The following L3HYPDH variants were observed in gnomAD, a reference collection of about 807,000 sequenced individuals.
L3HYPDH encodes the protein trans-L-3-hydroxyproline dehydratase, also known as trans-3-hydroxy-L-proline dehydratase.
Under a neutral mutation model 26.5 loss-of-function variants are expected in L3HYPDH, and 32 were observed. The observed-to-expected ratio is 1.21, with a 90% CI of 0.91 to 1.62. The LOEUF (loss-of-function observed/expected upper bound fraction) is 1.62, where lower values mean the gene tolerates loss of function less well. Ranked by LOEUF, L3HYPDH falls within the 40% of genes most tolerant of loss-of-function variation. The probability of loss-of-function intolerance (pLI) is 0.00; values close to 1 mark genes in which losing one functional copy is unlikely to be tolerated. For missense variants in L3HYPDH, 554 were observed against 476.4 expected, an observed-to-expected ratio of 1.16 and a Z score of -1.52; for synonymous variants, 215 against 196.6, an observed-to-expected ratio of 1.09 and a Z score of -0.78.
chr14:59,503,724 T>C, the L3HYPDH span: 4 of 622,678 alleles, frequency 6.4e-6, no homozygotes, highest in South Asian at 2.3e-5. Flanking sequence ...CTTAAGTCTT[T>C]TTTAGCTCAA....
intron 1 of L3HYPDH, among the ~76,000 whole-genome samples, chr14:59,465,501 C>G (rs1263628293): frequency 1.3e-5 from 2 of 152,256 alleles, no homozygotes; most frequent in Non-Finnish European, 2.9e-5. Flanking sequence ...GGTTACCGGC[C>G]CGGGTGTTCG....
At chr14:59,467,319 G>T (rs1889218002) in intron 1 of L3HYPDH, among the ~76,000 whole-genome samples, 1 of 152,218 alleles carries the variant, frequency 6.6e-6, no homozygotes. Context: ...GGGGAGTGAA[G>T]AAGGAAATAA....
At chr14:59,495,240 G>C in the L3HYPDH span, 5 of 1,528,832 alleles carry the variant, frequency 3.3e-6, no homozygotes, top group Non-Finnish European at 2.7e-6. Context: ...TGTTTATTTC[G>C]ACTTAAGATC....
At chr14:59,491,074 G>T in the L3HYPDH span, among the ~76,000 whole-genome samples, 1 of 152,218 alleles carries the variant, frequency 6.6e-6, no homozygotes, top group African/African-American at 2.4e-5. Flanking sequence ...ATCTCTTACA[G>T]TTTCCTGAAA....
At chr14:59,494,563 C>T in the L3HYPDH span, among the ~76,000 whole-genome samples, 1 of 152,050 alleles carries the variant, frequency 6.6e-6, no homozygotes, top group African/African-American at 2.4e-5. Flanking sequence ...GTGGTAAAAG[C>T]AGTTTGGTAC....
intron 1 of L3HYPDH, among the ~76,000 whole-genome samples, chr14:59,481,245 A>G (rs1295275424): frequency 1.3e-5 from 2 of 152,240 alleles, no homozygotes; most frequent in Admixed American, 6.5e-5. Flanking sequence ...TTTAATCACT[A>G]AATTACTAAC....
At chr14:59,490,720 T>A in the L3HYPDH span, among the ~76,000 whole-genome samples, 1 of 152,222 alleles carries the variant, frequency 6.6e-6, no homozygotes, top group Non-Finnish European at 1.5e-5. Flanking sequence ...AATAGCAGCT[T>A]TCATCCAGTT....
upstream of L3HYPDH, chr14:59,484,438 G>T: frequency 7.3e-7 from 1 of 1,371,422 alleles, no homozygotes; most frequent in South Asian, 1.3e-5. Context: ...GCGGGGTCTC[G>T]GAGCCTAAAC....
chr14:59,489,888 TTCA>T, the L3HYPDH span, among the ~76,000 whole-genome samples: 1 of 151,218 alleles, frequency 6.6e-6, no homozygotes, highest in African/African-American at 2.4e-5. Flanking sequence ...ACCTCTTTCT[TTCA>T]TTTTTTTTAA....
At chr14:59,476,669 C>T (rs1889651218) in intron 2 of L3HYPDH, among the ~76,000 whole-genome samples, 1 of 152,040 alleles carries the variant, frequency 6.6e-6, no homozygotes, top group Admixed American at 6.6e-5. Flanking sequence ...GAAGTTAACA[C>T]CAATGATAGA....
At chr14:59,483,671 G>C in intron 1 of L3HYPDH, 138 bp downstream of exon 1, 1 of 1,453,750 alleles carries the variant, frequency 6.9e-7, no homozygotes, top group Non-Finnish European at 9.0e-7. Flanking sequence ...CACGTTGGCA[G>C]TGATTTACCT....
chr14:59,500,449 G>C, the L3HYPDH span, among the ~76,000 whole-genome samples: 1 of 152,108 alleles, frequency 6.6e-6, no homozygotes, highest in Non-Finnish European at 1.5e-5. Context: ...CATTTTAAGA[G>C]AAAAGTGGTG....
At position 59,484,005 on chromosome 14, in the gene L3HYPDH, G is replaced by A. The variant is rs901056597; in HGVS notation, c.312C>T (p.Cys104=). ...FLHNEGYSSM[C]GHAVLALGRF... ...GGCCCAGCGCCAGCACTGCGTGGCC[G>A]CACATGGAGCTGTAGCCCTCGTTGT... Residue 104 remains cysteine (C), a synonymous_variant, in exon 1 of 5, where the codon TGC becomes TGT. Coordinates refer to ENST00000247194, the MANE Select transcript of L3HYPDH (RefSeq NM_144581.2). The A allele has an allele frequency of 1.9e-6, 3 of 1,598,090 alleles. No individual in the cohort carries two copies. Among genetic ancestry groups the A allele is most frequent in the African/African-American group, 1.3e-5 (1 of 74,794 alleles).
At chr14:59,477,789 C>G (rs909650938) in intron 2 of L3HYPDH, among the ~76,000 whole-genome samples, 2 of 152,142 alleles carry the variant, frequency 1.3e-5, no homozygotes, top group Non-Finnish European at 2.9e-5. Flanking sequence ...TAAAATAAAG[C>G]TTCAGAAAAT....
the L3HYPDH span, chr14:59,505,041 T>C: frequency 2.6e-6 from 1 of 383,638 alleles, no homozygotes; most frequent in East Asian, 3.9e-5. Flanking sequence ...TTTTTAGCTC[T>C]TAACCTAACA....
chr14:59,474,698 G>A (rs1324365993), intron 4 of L3HYPDH: 4 of 559,908 alleles, frequency 7.1e-6, no homozygotes, highest in Non-Finnish European at 1.3e-5. Flanking sequence ...ATCATCTATT[G>A]AAAAACGATA....
At position 59,483,995 on chromosome 14, in the gene L3HYPDH, C is replaced by G. The variant is rs1356943684; in HGVS notation, c.322G>C (p.Val108Leu). The G allele has an allele frequency of 1.3e-6, 2 of 1,593,462 alleles. No homozygotes were observed. Among genetic ancestry groups the G allele is most frequent in the Admixed American group, 3.4e-5 (2 of 58,582 alleles). Reference protein sequence around the residue: ...EGYSSMCGHAVLALGRFALDF... With the variant: ...EGYSSMCGHALLALGRFALDF... ...AAAGCGAAGCGGCCCAGCGCCAGCA[C>G]TGCGTGGCCGCACATGGAGCTGTAG... The change falls in exon 1 of 5, where the codon GTG (valine) becomes CTG (leucine). Residue 108 changes from valine (V) to leucine (L), a missense_variant. Physicochemically the swap from Val to Leu is conservative, Grantham distance 32 (BLOSUM62 1). Transcript: ENST00000247194.
chr14:59,488,019 C>T (rs1890711892), upstream of L3HYPDH, among the ~76,000 whole-genome samples: 1 of 152,180 alleles, frequency 6.6e-6, no homozygotes, highest in African/African-American at 2.4e-5. Flanking sequence ...TTTAAGGGAA[C>T]TGTCCTTAGT....
downstream of L3HYPDH, among the ~76,000 whole-genome samples, chr14:59,470,954 G>GC (rs1491108466): frequency 3.9e-3 from 400 of 102,106 alleles, 2 homozygotes; most frequent in African/African-American, 0.014. Context: ...GTGGCTGGGG[G>GC]CGGGGGGGGG....
Sources: allele counts gnomAD v4.1 joint callset (sites outside exome capture counted in the v4.1 genomes callset), GRCh38; gene constraint gnomAD v4.1.1; transcripts MANE v1.5; gene names NCBI Gene and HGNC (gene_info 2026-07-23, HGNC 2026-07-21).